Variants in CHD9 observed in about 807,000 individuals in gnomAD.
CHD9 encodes the protein chromodomain helicase DNA binding protein 9.
Under a neutral mutation model 316.1 loss-of-function variants are expected in CHD9, and 77 were observed. That is an observed-to-expected ratio of 0.24 (90% CI 0.20 to 0.29). CHD9 has a LOEUF of 0.29. Among genes scored for constraint, CHD9 ranks in the 10% least tolerant of loss-of-function variants. CHD9 has a pLI of 1.00. For missense variants in CHD9, 2,763 were observed against 3,438.1 expected, an observed-to-expected ratio of 0.80 and a Z score of 4.91; for synonymous variants, 1,129 against 1,158.3, an observed-to-expected ratio of 0.97 and a Z score of 0.51.
chr16:53,281,822 C>G (rs2053446698), intron 24 of CHD9, among the ~76,000 whole-genome samples: 1 of 152,174 alleles, frequency 6.6e-6, no homozygotes, highest in Non-Finnish European at 1.5e-5. Flanking sequence ...GATCTCAACT[C>G]AAGTATTTCC....
At position 53,222,660 on chromosome 16, in the gene CHD9, T is replaced by G; in HGVS notation, c.1801T>G (p.Leu601Val). 6.6e-7 allele frequency: 1 copy of G among 1,522,422 alleles called. No individual in the cohort carries two copies. The highest frequency in any genetic ancestry group is 9.0e-7 in the Non-Finnish European group (1 of 1,108,376). 94.3% of individuals were successfully genotyped at this position (1,522,422 alleles called of 1,614,324 possible). A position where few individuals can be genotyped will look rare whatever the true frequency, so the allele number is the denominator to read the frequency against. ...KTKIGKLIIT[L>V]GKKQKRKNES... ...TTGAAACAGCAAACTCATTATTACA[T>G]TGGGTAAGAAACAAAAAAGAAAGAA... is the stretch of plus-strand genomic sequence containing the variant. Residue 601 changes from leucine (L) to valine (V), a missense_variant, in exon 4 of 39, where the codon TTG becomes GTG. Coordinates refer to ENST00000447540, the MANE Select transcript of CHD9 (RefSeq NM_001308319.2).
In CHD9 at chr16:53,308,848, G is replaced by A. The variant is rs745966704; in HGVS notation, c.7216G>A (p.Val2406Ile). The change falls in exon 34 of 39, where the codon GTA becomes ATA. Residue 2406 changes from valine (V) to isoleucine (I), a missense_variant. Val to Ile is a conservative substitution (Grantham distance 29). Around this residue, in one of 15 missense-constraint regions of CHD9, gnomAD observed 663 missense variants for 751.2 expected, o/e 0.88. Transcript: ENST00000447540. Reference protein sequence around the residue: ...SLVNFPKSIPVSGTSIQPTLG... With the variant: ...SLVNFPKSIPISGTSIQPTLG... ...CGTCAATTTCCCAAAATCCATACCA[G>A]TATCAGGTGAATATGCAAGTAATAA... 2.5e-6 allele frequency: 4 copies of A among 1,609,418 alleles called. No individual in the cohort carries two copies. The highest frequency in any genetic ancestry group is 2.2e-5 in the South Asian group (2 of 90,680).
chr16:53,295,428 C>T (rs934734159), intron 29 of CHD9, among the ~76,000 whole-genome samples: 3 of 152,064 alleles, frequency 2.0e-5, no homozygotes, highest in African/African-American at 7.2e-5. Context: ...CACTCGGCCT[C>T]TTCTATTAAT....
intron 19 of CHD9, among the ~76,000 whole-genome samples, chr16:53,259,569 T>C (rs1033751831): frequency 1.3e-5 from 2 of 152,182 alleles, no homozygotes; most frequent in Non-Finnish European, 2.9e-5. Context: ...TGGAGTGCAG[T>C]GGTGCAATCA....
At chr16:53,219,284 T>C (rs2047029639) in intron 3 of CHD9, among the ~76,000 whole-genome samples, 1 of 152,152 alleles carries the variant, frequency 6.6e-6, no homozygotes, top group Non-Finnish European at 1.5e-5. Flanking sequence ...TAATAAGCAA[T>C]TAGTTATATG....
intron 2 of CHD9, among the ~76,000 whole-genome samples, chr16:53,193,026 T>C (rs965549260): frequency 7.2e-6 from 1 of 137,976 alleles, no homozygotes; most frequent in Non-Finnish European, 1.6e-5. Context: ...GTTGAGTGTA[T>C]GTTGAACTTA....
At chr16:53,204,987 G>A (rs1207618128) in intron 2 of CHD9, among the ~76,000 whole-genome samples, 6 of 151,988 alleles carry the variant, frequency 3.9e-5, no homozygotes, top group South Asian at 2.1e-4. Flanking sequence ...GGGATTAGAC[G>A]TGCGCCACCA....
At chr16:53,286,073 A>G (rs982872921) in intron 25 of CHD9, among the ~76,000 whole-genome samples, 153 bp from the exon 26 acceptor site, 1 of 152,222 alleles carries the variant, frequency 6.6e-6, no homozygotes, top group African/African-American at 2.4e-5. Flanking sequence ...AATGTTTGTG[A>G]TAATTTCTAG....
At chr16:53,150,468 G>T (rs2041009775) in intron 1 of CHD9, among the ~76,000 whole-genome samples, 2 of 151,966 alleles carry the variant, frequency 1.3e-5, no homozygotes, top group South Asian at 4.1e-4. Context: ...ATTTAAATGG[G>T]TTATCTATTT....
intron 15 of CHD9, among the ~76,000 whole-genome samples, chr16:53,246,345 G>A (rs929314301): frequency 2.6e-5 from 4 of 152,298 alleles, no homozygotes; most frequent in African/African-American, 7.2e-5. Flanking sequence ...GAAGTCTCTT[G>A]TAGTTACAGT....
chr16:53,273,527 C>A, intron 22 of CHD9, 99 bp from the exon 23 acceptor site: 1 of 822,062 alleles, frequency 1.2e-6, no homozygotes, highest in Non-Finnish European at 1.9e-6. Context: ...TCTGAACAGA[C>A]CTCAGAAAGT....
intron 27 of CHD9, among the ~76,000 whole-genome samples, chr16:53,288,338 G>T (rs865981173): frequency 6.6e-6 from 1 of 152,204 alleles, no homozygotes; most frequent in African/African-American, 2.4e-5. Flanking sequence ...AGATACTAAA[G>T]ATATACTGCA....
chr16:53,122,544 CTT>C (rs35643983), intron 1 of CHD9, among the ~76,000 whole-genome samples: 190 of 129,798 alleles, frequency 1.5e-3, no homozygotes, highest in East Asian at 4.7e-3. Flanking sequence ...CTGGGAATCC[CTT>C]TTTTTTTTTT....
intron 11 of CHD9, among the ~76,000 whole-genome samples, chr16:53,236,586 C>G (rs139328437): frequency 3.3e-5 from 5 of 151,858 alleles, no homozygotes; most frequent in African/African-American, 7.3e-5. Flanking sequence ...CTCTCTCTCT[C>G]TCTTTCTCTT....
chr16:53,171,861 G>GACACACACAC (rs750572537), intron 2 of CHD9, among the ~76,000 whole-genome samples: 2 of 124,852 alleles, frequency 1.6e-5, no homozygotes, highest in African/African-American at 5.6e-5. Flanking sequence ...CACACACACA[G>GACACACACAC]ACACACACAC....
At chr16:53,185,916 A>G (rs558652431) in intron 2 of CHD9, among the ~76,000 whole-genome samples, 4 of 152,248 alleles carry the variant, frequency 2.6e-5, no homozygotes, top group Non-Finnish European at 5.9e-5. Context: ...TAGAAGATAC[A>G]TGGAAAGGCT....
chr16:53,304,157 A>G lies in CHD9; in HGVS notation c.6151A>G (p.Asn2051Asp), dbSNP rs1173267661. The G allele has an allele frequency of 3.7e-6, 6 of 1,612,614 alleles. No homozygotes were observed. The Admixed American group carries it at 6.7e-5, about 18-fold the overall frequency. The change falls in exon 31 of 39, where the codon AAC becomes GAC. Residue 2051 changes from asparagine to aspartate, a missense_variant. Asn to Asp is a conservative substitution (Grantham distance 23). Coordinates refer to ENST00000447540, the MANE Select transcript of CHD9 (RefSeq NM_001308319.2). ...ILEEMKVKSE[N>D]LKEEPQSSEE... Reference sequence around the variant, plus strand: ...AGAGGAGATGAAAGTTAAAAGTGAAAACCTTAAAGAGGAGCCTCAGTCTTC... The same window carrying G: ...AGAGGAGATGAAAGTTAAAAGTGAAGACCTTAAAGAGGAGCCTCAGTCTTC...
At chr16:53,293,912 A>T (rs1167271660) in intron 29 of CHD9, among the ~76,000 whole-genome samples, 1 of 152,024 alleles carries the variant, frequency 6.6e-6, no homozygotes, top group Non-Finnish European at 1.5e-5. Context: ...CATACCACTG[A>T]ACTCCAGCCT....
At chr16:53,280,515 CA>C (rs779348776) in intron 24 of CHD9, among the ~76,000 whole-genome samples, 20 of 151,554 alleles carry the variant, frequency 1.3e-4, no homozygotes, top group South Asian at 4.2e-4. Flanking sequence ...TATGGGGACT[CA>C]GGGGGGAAAG....
Sources: allele counts gnomAD v4.1 joint callset (sites outside exome capture counted in the v4.1 genomes callset), GRCh38; gene constraint gnomAD v4.1.1; regional missense constraint gnomAD v4.1.1; transcripts MANE v1.5; gene names NCBI Gene and HGNC (gene_info 2026-07-23, HGNC 2026-07-21).